Variants in ERICH1 observed in about 807,000 individuals in gnomAD.
The protein encoded by ERICH1 is glutamate rich 1.
Under a neutral mutation model 39.6 loss-of-function variants are expected in ERICH1, and 56 were observed. The ratio of observed to expected loss-of-function variants is 1.41; its 90% confidence interval spans 1.14 to 1.77. The LOEUF (loss-of-function observed/expected upper bound fraction) is 1.77. Among genes scored for constraint, ERICH1 ranks in the 40% most tolerant of loss-of-function variants. The probability of loss-of-function intolerance (pLI) is 0.00; values close to 1 mark genes in which losing one functional copy is unlikely to be tolerated. For synonymous variants in ERICH1, 313 were observed against 223.6 expected, an observed-to-expected ratio of 1.40 and a Z score of -3.57; for missense variants, 826 against 575.4, an observed-to-expected ratio of 1.44 and a Z score of -4.45.
At chr8:624,704 TTTTTTTATATTTTTTA>T (rs1797498039) in intron 3 of ERICH1, among the ~76,000 whole-genome samples, 2 of 151,974 alleles carry the variant, frequency 1.3e-5, no homozygotes, top group South Asian at 4.2e-4. Flanking sequence ...TACACACTTT[TTTTTTTATATTTTTTA>T]TTTTTATTTT....
At chr8:710,336 C>A (rs1814428712) in intron 2 of ERICH1, among the ~76,000 whole-genome samples, 1 of 151,838 alleles carries the variant, frequency 6.6e-6, no homozygotes, top group African/African-American at 2.4e-5. Context: ...CTGGGCTCCA[C>A]CTGCTCCTCC....
At chr8:630,199 C>CAACACAGA (rs1797911025) in intron 3 of ERICH1, among the ~76,000 whole-genome samples, 1 of 105,844 alleles carries the variant, frequency 9.4e-6, no homozygotes, top group Non-Finnish European at 1.9e-5. Context: ...CCGTGACCAC[C>CAACACAGA]CAGAGCTGAC....
At chr8:674,296 CTT>C (rs11372589) in intron 3 of ERICH1, among the ~76,000 whole-genome samples, 4 of 109,808 alleles carry the variant, frequency 3.6e-5, no homozygotes, top group East Asian at 3.0e-4. Context: ...CAAGTTGTTG[CTT>C]TTTTTTTTTT....
intron 2 of ERICH1, among the ~76,000 whole-genome samples, chr8:703,766 A>G (rs1197805609): frequency 6.6e-6 from 1 of 152,208 alleles, no homozygotes; most frequent in Non-Finnish European, 1.5e-5. Context: ...TAAACCATAA[A>G]AAATCCGGGA....
chr8:621,995 C>G (rs779371674), intron 3 of ERICH1, among the ~76,000 whole-genome samples: 2 of 152,072 alleles, frequency 1.3e-5, no homozygotes, highest in Non-Finnish European at 2.9e-5. Flanking sequence ...CATGACGATC[C>G]CTTGAGGCCA....
chr8:648,690 A>C (rs149663980), intron 3 of ERICH1, among the ~76,000 whole-genome samples: 2,289 of 68,274 alleles, frequency 0.034, 795 homozygotes, highest in African/African-American at 0.082. Flanking sequence ...TCTTAAATGC[A>C]GAAGAGCAAA....
chr8:731,055 G>C (rs1819878644), intron 1 of ERICH1, 85 bp downstream of exon 1: 3 of 1,348,756 alleles, frequency 2.2e-6, no homozygotes, highest in Middle Eastern at 2.7e-4. Flanking sequence ...AAAGGGGCCG[G>C]GGTCGGGGTC....
chr8:622,796 A>AT (rs1159221707), intron 3 of ERICH1, among the ~76,000 whole-genome samples: 1 of 151,852 alleles, frequency 6.6e-6, no homozygotes, highest in Non-Finnish European at 1.5e-5. Flanking sequence ...CTATAAAAAA[A>AT]TTTTTTTAAA....
intron 3 of ERICH1, among the ~76,000 whole-genome samples, chr8:678,281 C>T (rs1805318032): frequency 6.6e-6 from 1 of 152,092 alleles, no homozygotes; most frequent in South Asian, 2.1e-4. Context: ...AGAGAGGAGG[C>T]TTGAAAATCC....
intron 2 of ERICH1, among the ~76,000 whole-genome samples, chr8:699,847 A>ACCCGCACACGCGCACAGC (rs1811389565): frequency 9.3e-6 from 1 of 107,316 alleles, no homozygotes; most frequent in Non-Finnish European, 2.0e-5. Context: ...AGGCGCACAG[A>ACCCGCACACGCGCACAGC]CCCGCACACG....
intron 3 of ERICH1, chr8:626,995 G>C (rs950928754): frequency 2.4e-6 from 1 of 410,448 alleles, no homozygotes; most frequent in African/African-American, 2.0e-5. Context: ...GCTTGGCCTG[G>C]TACTCACCAA....
intron 2 of ERICH1, among the ~76,000 whole-genome samples, chr8:711,470 T>C (rs768468413): frequency 6.6e-6 from 1 of 152,030 alleles, no homozygotes; most frequent in Non-Finnish European, 1.5e-5. Context: ...TAACCGTTTA[T>C]AGTTTTGCAT....
Position 703,447 on chromosome 8 carries a change from G to C in ERICH1, c.170-10835C>G, listed in dbSNP as rs144474305. 2.3e-3 allele frequency among the ~76,000 whole-genome samples: 344 copies of C among 152,268 alleles called. 2 individuals carry two copies. The highest frequency in any genetic ancestry group is 6.8e-3 in the Middle Eastern group (2 of 294). On this transcript the variant is annotated intron_variant, in intron 2 of 5. Coordinates refer to ENST00000262109, the MANE Select transcript of ERICH1 (RefSeq NM_207332.3). ...AGATCTGCTCCAGAGGGGCCGCCAAGGAGCCTGGAAGTGGGGAGAAAAAGG... is the reference window on the plus strand; with the variant it reads ...AGATCTGCTCCAGAGGGGCCGCCAACGAGCCTGGAAGTGGGGAGAAAAAGG...
intron 3 of ERICH1, among the ~76,000 whole-genome samples, chr8:680,417 T>A (rs1396838226): frequency 2.2e-5 from 3 of 136,668 alleles, no homozygotes; most frequent in African/African-American, 8.4e-5. Flanking sequence ...AGAGAATCCA[T>A]AGCTGCCACC....
At chr8:616,902 C>G (rs376933584) in intron 3 of ERICH1, among the ~76,000 whole-genome samples, 447 of 15,744 alleles carry the variant, frequency 0.028, 65 homozygotes, top group East Asian at 0.24. Flanking sequence ...CACACACACA[C>G]AGAGAGAGAG....
intron 3 of ERICH1, chr8:627,088 T>G (rs1334029849): frequency 8.8e-6 from 4 of 455,956 alleles, no homozygotes; most frequent in South Asian, 3.1e-5. Flanking sequence ...AGGACGGGGA[T>G]GGACGTATCC....
intron 3 of ERICH1, among the ~76,000 whole-genome samples, chr8:624,949 A>G (rs1172248956): frequency 6.6e-6 from 1 of 152,000 alleles, no homozygotes; most frequent in Non-Finnish European, 1.5e-5. Context: ...GATGGTCTTG[A>G]TCTCCTGACC....
chr8:722,336 C>T (rs1158076546), intron 1 of ERICH1, among the ~76,000 whole-genome samples: 1 of 151,438 alleles, frequency 6.6e-6, no homozygotes, highest in Non-Finnish European at 1.5e-5. Context: ...GAAAAAACAC[C>T]CCGTCTGAAA....
At chr8:635,317 C>T (rs1035168644) in intron 3 of ERICH1, among the ~76,000 whole-genome samples, 2 of 152,218 alleles carry the variant, frequency 1.3e-5, no homozygotes, top group Non-Finnish European at 2.9e-5. Context: ...GAGCCCCCCA[C>T]ACGGGTTTAT....
Sources: gnomAD v4.1 joint callset for allele counts (sites outside exome capture counted in the v4.1 genomes callset) on GRCh38, gnomAD v4.1.1 for gene constraint, MANE v1.5 for transcripts, NCBI Gene and HGNC (gene_info 2026-07-23, HGNC 2026-07-21) for gene names.